SDK1: variants seen among roughly 807,000 people sequenced by gnomAD.
SDK1 encodes the protein protein sidekick-1.
SDK1 carries 157 observed loss-of-function variants against 245.5 expected under a neutral mutation model. That is an observed-to-expected ratio of 0.64 (90% CI 0.56 to 0.73). The LOEUF (loss-of-function observed/expected upper bound fraction) is 0.73, where lower values mean the gene tolerates loss of function less well. SDK1 is among the 30% of genes least tolerant of loss of function. The pLI is 0.00. For synonymous variants in SDK1, 1,647 were observed against 1,278.5 expected, an observed-to-expected ratio of 1.29 and a Z score of -6.15; for missense variants, 3,583 against 3,002.3, an observed-to-expected ratio of 1.19 and a Z score of -4.52.
chr7:3,519,216 T>G (rs1274845499), intron 1 of SDK1, among the ~76,000 whole-genome samples: 1 of 152,112 alleles, frequency 6.6e-6, no homozygotes, highest in Non-Finnish European at 1.5e-5. Flanking sequence ...TCAGTTCAAG[T>G]CTTCCATAGC....
rs750802283 is a variant in SDK1, at chr7:4,149,312, G to T, written c.4474G>T (p.Ala1492Ser). Residue 1492 changes from alanine to serine, a missense_variant, in exon 30 of 45, where the codon GCA (alanine) becomes TCA (serine). By Grantham distance (99) the Ala-to-Ser change is moderately conservative (BLOSUM62 1). Coordinates refer to ENST00000404826, the MANE Select transcript of SDK1 (RefSeq NM_152744.4). Reference sequence around the variant, plus strand: ...CCTGGTGCCCCAGGCAGAAGTGACCGCACGCAGCCTCCGGCTCCAGTGGGT... The same window carrying T: ...CCTGGTGCCCCAGGCAGAAGTGACCTCACGCAGCCTCCGGCTCCAGTGGGT... ...ELLVPQAEVT[A>S]RSLRLQWVPG... 10 of 1,587,362 alleles carry T rather than the reference G, an allele frequency of 6.3e-6. No individual in the cohort carries two copies. The highest frequency in any genetic ancestry group is 7.7e-6 in the Non-Finnish European group (9 of 1,166,930).
At chr7:4,173,516 T>TA (rs1456623681) in intron 32 of SDK1, among the ~76,000 whole-genome samples, 1 of 152,212 alleles carries the variant, frequency 6.6e-6, no homozygotes, top group East Asian at 1.9e-4. Flanking sequence ...AAACTCCACT[T>TA]CCTTATCTGC....
intron 4 of SDK1, among the ~76,000 whole-genome samples, chr7:3,770,486 G>T (rs545061352): frequency 6.6e-6 from 1 of 152,190 alleles, no homozygotes; most frequent in Non-Finnish European, 1.5e-5. Flanking sequence ...TTGCTGCGTT[G>T]TGTGGTAGCT....
chr7:3,520,259 T>A (rs1041931135), intron 1 of SDK1, among the ~76,000 whole-genome samples: 2 of 152,160 alleles, frequency 1.3e-5, no homozygotes, highest in Non-Finnish European at 2.9e-5. Context: ...TCACCCTGCT[T>A]TCTTTTAGAG....
intron 22 of SDK1, among the ~76,000 whole-genome samples, chr7:4,105,412 T>G (rs1782837933): frequency 6.6e-6 from 1 of 152,034 alleles, no homozygotes; most frequent in South Asian, 2.1e-4. Flanking sequence ...GTTCAAGCGA[T>G]TCTCCTGCCT....
chr7:3,730,646 T>C lies in SDK1; in HGVS notation c.713+88541T>C, dbSNP rs555617520. Among the ~76,000 whole-genome samples, 7 of 152,122 alleles carry C rather than the reference T, an allele frequency of 4.6e-5. No individual in the cohort carries two copies. The East Asian group carries it at 1.4e-3, about 29-fold the overall frequency. On this transcript the variant is annotated intron_variant, in intron 4 of 44. Transcript: ENST00000404826. ...GGGAAGGAAGCCAGTGGTGTGTGAGTTGTGGCTTGGGTTCCAGATCTTAGA... is the reference window on the plus strand; with the variant it reads ...GGGAAGGAAGCCAGTGGTGTGTGAGCTGTGGCTTGGGTTCCAGATCTTAGA...
At chr7:4,153,410 A>G (rs977348461) in intron 30 of SDK1, among the ~76,000 whole-genome samples, 8 of 151,768 alleles carry the variant, frequency 5.3e-5, no homozygotes, top group African/African-American at 1.9e-4. Context: ...ATATGGTGAA[A>G]CCCTGTCTCT....
At chr7:3,742,434 A>G (rs941361758) in intron 4 of SDK1, among the ~76,000 whole-genome samples, 6 of 152,152 alleles carry the variant, frequency 3.9e-5, no homozygotes, top group African/African-American at 1.4e-4. Context: ...TAACAGCCTC[A>G]TTACTGGAGA....
At chr7:3,757,309 C>G (rs1013461146) in intron 4 of SDK1, among the ~76,000 whole-genome samples, 2 of 152,154 alleles carry the variant, frequency 1.3e-5, no homozygotes, top group Admixed American at 6.5e-5. Context: ...CAAGGTCTCT[C>G]TCTGTCACTC....
intron 1 of SDK1, among the ~76,000 whole-genome samples, chr7:3,446,991 A>T (rs1316677883): frequency 6.6e-6 from 1 of 152,228 alleles, no homozygotes. Flanking sequence ...ACGATGAAGC[A>T]ATCTGAGTGA....
chr7:3,942,944 C>T lies in SDK1; in HGVS notation c.848-7979C>T, dbSNP rs1483740872. Among the ~76,000 whole-genome samples, 3 of 152,282 alleles carry T rather than the reference C, an allele frequency of 2.0e-5. No homozygotes were observed. The East Asian group carries it at 5.8e-4, about 29-fold the overall frequency. Reference sequence around the variant, plus strand: ...TGACTCAGCATCTTTTGGTTGAGGGCAGCTTTGACCTCATTGTTTTCTGGT... The same window carrying T: ...TGACTCAGCATCTTTTGGTTGAGGGTAGCTTTGACCTCATTGTTTTCTGGT... On this transcript the variant is annotated intron_variant, in intron 5 of 44. Transcript: ENST00000404826.
Position 4,268,358 on chromosome 7 carries a change from C to G in SDK1, c.*2974C>G. 1.2e-5 allele frequency: 13 copies of G among 1,057,278 alleles called. No homozygotes were observed. Among genetic ancestry groups the G allele is most frequent in the Non-Finnish European group, 1.4e-5 (12 of 870,782 alleles). 65.5% of individuals were successfully genotyped at this position (1,057,278 alleles called of 1,614,324 possible). On this transcript the variant is annotated 3_prime_UTR_variant, in exon 45 of 45. Coordinates refer to ENST00000404826, the MANE Select transcript of SDK1 (RefSeq NM_152744.4). ...AGAGAGAGCTGCCAGGCCACACCCC[C>G]TCGGCCTCCTGCACGGCCACCTTCT...
chr7:4,107,682 G>T lies in SDK1; in HGVS notation c.3325-2981G>T, dbSNP rs75092470. Among the ~76,000 whole-genome samples, 439 of 152,208 alleles carry T rather than the reference G, an allele frequency of 2.9e-3. 10 individuals are homozygous for T. The South Asian group carries it at 0.04, about 14-fold the overall frequency. On this transcript the variant is annotated intron_variant, in intron 22 of 44. Transcript: ENST00000404826. ...CCCAGTAAAATCCAACTGAAAAAAT[G>T]TGGGGCTTGGTCCTCCGCACTCCCC...
intron 1 of SDK1, among the ~76,000 whole-genome samples, chr7:3,547,234 A>G (rs1779252566): frequency 6.6e-6 from 1 of 152,240 alleles, no homozygotes; most frequent in African/African-American, 2.4e-5. Flanking sequence ...TGATAGCCAC[A>G]TATTTAAGGT....
chr7:4,081,822 A>G (rs1205049946), intron 22 of SDK1, among the ~76,000 whole-genome samples: 1 of 152,196 alleles, frequency 6.6e-6, no homozygotes, highest in African/African-American at 2.4e-5. Flanking sequence ...ATGATCCTCA[A>G]GATTTTGCTG....
intron 1 of SDK1, among the ~76,000 whole-genome samples, chr7:3,517,578 T>A (rs1002893627): frequency 6.6e-6 from 1 of 152,140 alleles, no homozygotes; most frequent in South Asian, 2.1e-4. Context: ...CAGGCACATA[T>A]CACTTTTCAT....
intron 4 of SDK1, among the ~76,000 whole-genome samples, chr7:3,817,355 AGT>A (rs1186776020): frequency 4.6e-5 from 7 of 152,304 alleles, no homozygotes; most frequent in African/African-American, 1.7e-4. Flanking sequence ...GGACATGAAC[AGT>A]GTGTCCTGGT....
chr7:3,674,371 A>G (rs985688373), intron 4 of SDK1, among the ~76,000 whole-genome samples: 3 of 152,124 alleles, frequency 2.0e-5, no homozygotes, highest in African/African-American at 7.2e-5. Flanking sequence ...GGAGAGACCT[A>G]GAGAGGGCTG....
At chr7:3,369,053 T>G (rs1781159419) in intron 1 of SDK1, among the ~76,000 whole-genome samples, 2 of 152,102 alleles carry the variant, frequency 1.3e-5, no homozygotes, top group African/African-American at 4.8e-5. Context: ...TTTTTCTTTT[T>G]TTTCTTTTTG....
Sources: gnomAD v4.1 joint callset for allele counts (sites outside exome capture counted in the v4.1 genomes callset) on GRCh38, gnomAD v4.1.1 for gene constraint, MANE v1.5 for transcripts, NCBI Gene and HGNC (gene_info 2026-07-23, HGNC 2026-07-21) for gene names.